Variants in AGAP1 observed in about 807,000 individuals in gnomAD.
AGAP1 encodes the protein ArfGAP with GTPase domain, ankyrin repeat and PH domain 1, also known as arf-GAP with GTPase, ANK repeat and PH domain-containing protein 1.
AGAP1 carries 29 observed loss-of-function variants against 105.3 expected under a neutral mutation model. The ratio of observed to expected loss-of-function variants is 0.28; its 90% CI spans 0.21 to 0.38. AGAP1 has a LOEUF of 0.38. Among genes scored for constraint, AGAP1 ranks in the 10% least tolerant of loss-of-function variants. AGAP1 has a pLI of 1.00. For synonymous variants in AGAP1, 509 were observed against 485.9 expected (o/e 1.05, Z -0.63); for missense variants, 998 against 1,165.1 (o/e 0.86, Z 2.09).
rs1033861436 is a variant in AGAP1 at position 235,788,648 on chromosome 2, C to T, written c.674-9111C>T. Among the ~76,000 whole-genome samples the T allele has an allele frequency of 1.3e-5, 2 of 152,098 alleles. No individual in the cohort carries two copies. The highest frequency in any genetic ancestry group is 4.8e-5 in the African/African-American group (2 of 41,496). On this transcript the variant is annotated intron_variant, in intron 6 of 17. Coordinates refer to ENST00000304032, the MANE Select transcript of AGAP1 (RefSeq NM_001037131.3). The surrounding 1 kb of genome is among the most constrained non-coding windows in gnomAD (Gnocchi z 6.0). Reference sequence around the variant, plus strand: ...CCGGTGCTTGGAACTGACTGGTGGGCGTCCTGTTGGTGCATGGGGCAGACT... The same window carrying T: ...CCGGTGCTTGGAACTGACTGGTGGGTGTCCTGTTGGTGCATGGGGCAGACT...
rs540465521 is a variant in AGAP1, at chr2:235,664,153, G to T, written c.164-45026G>T. ...GTGTGTGACGTGGCTGTTCAGTGTT[G>T]TTTGTGTTGGCTCTGTAAAACGATG... is the stretch of plus-strand genomic sequence containing the variant. On this transcript the variant is annotated intron_variant, in intron 1 of 17. Coordinates refer to ENST00000304032, the MANE Select transcript of AGAP1 (RefSeq NM_001037131.3). This position sits in a 1 kb window ranked among gnomAD's most constrained non-coding sequence, Gnocchi z 5.7. 2.0e-5 allele frequency among the ~76,000 whole-genome samples: 3 copies of T among 152,180 alleles called. No homozygotes were observed. In the East Asian group the frequency reaches 5.8e-4, roughly 29 times the overall value.
intron 9 of AGAP1, among the ~76,000 whole-genome samples, chr2:235,849,815 G>A (rs1394250806): frequency 3.3e-5 from 5 of 152,218 alleles, no homozygotes; most frequent in Admixed American, 1.3e-4. Flanking sequence ...CCCTGGAGGG[G>A]AGGAAGACGA....
intron 1 of AGAP1, among the ~76,000 whole-genome samples, chr2:235,634,091 G>A (rs921529672): frequency 6.6e-6 from 1 of 152,228 alleles, no homozygotes; most frequent in Non-Finnish European, 1.5e-5. Flanking sequence ...CCACAGGCAT[G>A]GGGGAAGCGG....
chr2:236,042,154 G>A lies in AGAP1; in HGVS notation c.1891+1313G>A, dbSNP rs2057568309. 6.6e-6 allele frequency among the ~76,000 whole-genome samples: 1 copy of A among 152,192 alleles called. No homozygotes were observed. The highest frequency in any genetic ancestry group is 2.4e-5 in the African/African-American group (1 of 41,434). On this transcript the variant is annotated intron_variant, in intron 15 of 17. Coordinates refer to ENST00000304032, the MANE Select transcript of AGAP1 (RefSeq NM_001037131.3). This position sits in a 1 kb window ranked among gnomAD's most constrained non-coding sequence, Gnocchi z 5.6. ...CCACTTGGGGAGATGGATCTGGCCAGACCATTTTGAACATACTGGAATAGA... is the reference window on the plus strand; with the variant it reads ...CCACTTGGGGAGATGGATCTGGCCAAACCATTTTGAACATACTGGAATAGA...
At position 235,526,852 on chromosome 2, in the gene AGAP1, C is replaced by T. The variant is rs567780343; in HGVS notation, c.163+32003C>T. Among the ~76,000 whole-genome samples, 7 of 152,222 alleles carry T rather than the reference C, an allele frequency of 4.6e-5. No individual in the cohort carries two copies. The East Asian group carries it at 7.7e-4, about 17-fold the overall frequency. On this transcript the variant is annotated intron_variant, in intron 1 of 17. Coordinates refer to ENST00000304032, the MANE Select transcript of AGAP1 (RefSeq NM_001037131.3). ...AAAGTACCACAGTTTTCTCTCAAAT[C>T]GTATGTGGGTGGGTTGTGTCCAGAA...
rs552937616 is a variant in AGAP1 at position 235,705,007 on chromosome 2, C to G, written c.164-4172C>G. 1.0e-4 allele frequency among the ~76,000 whole-genome samples: 11 copies of G among 105,992 alleles called. No individual in the cohort carries two copies. The highest frequency in any genetic ancestry group is 3.8e-4 in the African/African-American group (11 of 28,586). 69.5% of individuals were successfully genotyped at this position (105,992 alleles called of 152,430 possible). The stretch of plus-strand genomic sequence containing the variant: ...TTTTTTTTTTTTTTTGCGACAGAGT[C>G]TCACTCTGTTGCCCAGGCTGGAGTG... On this transcript the variant is annotated intron_variant, in intron 1 of 17. Transcript: ENST00000304032. This position sits in a 1 kb window ranked among gnomAD's most constrained non-coding sequence, Gnocchi z 4.9.
Position 236,014,657 on chromosome 2 carries a change from C to G in AGAP1, c.1646-21904C>G. On this transcript the variant is annotated intron_variant, in intron 13 of 17. Transcript: ENST00000304032. The surrounding 1 kb of genome is among the most constrained non-coding windows in gnomAD (Gnocchi z 6.3). ...GTTGGAGGGCTCAGCCCAGGGAGCTCCATGGCACCCACCCGCTTCGCGCAG... is the reference window on the plus strand; with the variant it reads ...GTTGGAGGGCTCAGCCCAGGGAGCTGCATGGCACCCACCCGCTTCGCGCAG... The G allele has an allele frequency of 2.9e-6, 1 of 342,568 alleles. No homozygotes were observed. Among genetic ancestry groups the G allele is most frequent in the East Asian group, 1.0e-4 (1 of 10,002 alleles). The allele number at this position is 342,568 out of a possible 1,614,324, so 21.2% of individuals were successfully genotyped here.
In AGAP1 at chr2:235,951,783, T is replaced by A. The variant is rs2053750124; in HGVS notation, c.1484-16679T>A. On this transcript the variant is annotated intron_variant, in intron 12 of 17. Coordinates refer to ENST00000304032, the MANE Select transcript of AGAP1 (RefSeq NM_001037131.3). The surrounding 1 kb of genome is among the most constrained non-coding windows in gnomAD (Gnocchi z 4.2). ...CTGCAGATGAGTTACACCACACCAG[T>A]CTCCCAGTCCCATCACACACAGGCA... 6.6e-6 allele frequency among the ~76,000 whole-genome samples: 1 copy of A among 151,922 alleles called. No homozygotes were observed. The highest frequency in any genetic ancestry group is 1.5e-5 in the Non-Finnish European group (1 of 67,978).
intron 13 of AGAP1, among the ~76,000 whole-genome samples, chr2:236,016,856 A>AT: frequency 6.6e-6 from 1 of 152,224 alleles, no homozygotes; most frequent in Admixed American, 6.5e-5. Context: ...TTTCTCAGTT[A>AT]TAGTAAGTTT....
At chr2:235,548,589 G>A (rs548027619) in intron 1 of AGAP1, among the ~76,000 whole-genome samples, 57 of 150,378 alleles carry the variant, frequency 3.8e-4, no homozygotes, top group Non-Finnish European at 8.0e-4. Context: ...GGAGGTGGAG[G>A]TTGCAGTGAG....
chr2:235,730,293 G>A (rs1259399153), intron 3 of AGAP1, among the ~76,000 whole-genome samples: 1 of 151,938 alleles, frequency 6.6e-6, no homozygotes, highest in Non-Finnish European at 1.5e-5. Context: ...AACTGCCAAG[G>A]GTCCCCTGCT....
chr2:235,511,913 G>C (rs371419395), intron 1 of AGAP1, among the ~76,000 whole-genome samples: 1 of 80,656 alleles, frequency 1.2e-5, no homozygotes, highest in Non-Finnish European at 2.5e-5. Context: ...TGAGTATGTG[G>C]ATGTGTGTGA....
intron 13 of AGAP1, among the ~76,000 whole-genome samples, chr2:236,013,371 C>T (rs559123242): frequency 2.0e-5 from 3 of 152,254 alleles, no homozygotes; most frequent in Non-Finnish European, 2.9e-5. Context: ...GTGCACACGC[C>T]GAACCTACAA....
intron 1 of AGAP1, among the ~76,000 whole-genome samples, chr2:235,573,048 C>CT (rs1307395447): frequency 0.03 from 556 of 18,558 alleles, 36 homozygotes; most frequent in African/African-American, 0.12. Flanking sequence ...TCTTCTTCTT[C>CT]TTCTTCTTCT....
At position 236,055,448 on chromosome 2, in the gene AGAP1, G is replaced by A. The variant is rs1299883971; in HGVS notation, c.2114+6167G>A. ...TTCCAATATAAATTATCATGTGAAC[G>A]CTGTGGTTTTTCTATTTGACAGGCT... On this transcript the variant is annotated intron_variant, in intron 16 of 17. Transcript: ENST00000304032. This position sits in a 1 kb window ranked among gnomAD's most constrained non-coding sequence, Gnocchi z 6.2. 1.6e-4 allele frequency among the ~76,000 whole-genome samples: 24 copies of A among 152,198 alleles called. No homozygotes were observed. The highest frequency in any genetic ancestry group is 1.3e-3 in the Admixed American group (20 of 15,278).
chr2:235,990,019 T>G (rs1211216026), intron 13 of AGAP1, among the ~76,000 whole-genome samples: 16 of 152,022 alleles, frequency 1.1e-4, no homozygotes, highest in Admixed American at 1.0e-3. Context: ...TCACGGAGAT[T>G]CAGACTCATA....
chr2:236,108,416 G>A (rs943387442), intron 16 of AGAP1, among the ~76,000 whole-genome samples: 9 of 152,096 alleles, frequency 5.9e-5, no homozygotes, highest in East Asian at 1.9e-4. Context: ...CCAGGCGGGC[G>A]GGTCCCCTCC....
chr2:235,912,910 G>A (rs1272879565), intron 11 of AGAP1, among the ~76,000 whole-genome samples: 1 of 152,128 alleles, frequency 6.6e-6, no homozygotes, highest in African/African-American at 2.4e-5. Context: ...CATGTATTAG[G>A]TGTATGTGTT....
intron 11 of AGAP1, among the ~76,000 whole-genome samples, chr2:235,922,533 G>T (rs1177382570): frequency 6.6e-6 from 1 of 152,188 alleles, no homozygotes; most frequent in Admixed American, 6.5e-5. Flanking sequence ...ATTGGAAGGC[G>T]CAGGGAATGA....
Sources: allele counts gnomAD v4.1 joint callset (sites outside exome capture counted in the v4.1 genomes callset), GRCh38; gene constraint gnomAD v4.1.1; non-coding constraint Gnocchi (gnomAD v3.1); transcripts MANE v1.5; gene names NCBI Gene and HGNC (gene_info 2026-07-23, HGNC 2026-07-21).